ZNF136: variants seen among roughly 807,000 people sequenced by gnomAD.
ZNF136 encodes zinc finger protein 136, also known as zinc finger protein 136 (clone pHZ-20).
A neutral mutation model predicts 11.4 loss-of-function variants in ZNF136; 8 were observed. The observed-to-expected ratio is 0.70, with a 90% CI of 0.41 to 1.27. The LOEUF (loss-of-function observed/expected upper bound fraction) is 1.27. ZNF136 is among the 50% of genes most tolerant of loss of function. The pLI, the probability that ZNF136 is intolerant of heterozygous loss-of-function variation, is 0.01. For synonymous variants in ZNF136, 190 were observed against 207.1 expected (o/e 0.92, Z 0.71); for missense variants, 590 against 656.5 (o/e 0.90, Z 1.11).
chr19:12,169,091 C>T (rs562947977), intron 1 of ZNF136, among the ~76,000 whole-genome samples: 54 of 152,318 alleles, frequency 3.5e-4, no homozygotes, highest in Non-Finnish European at 5.0e-4. Flanking sequence ...CTCCACTCCT[C>T]CCTGCTGTAC....
chr19:12,167,040 T>TGAG (rs111925290), intron 1 of ZNF136, among the ~76,000 whole-genome samples: 24 of 152,286 alleles, frequency 1.6e-4, no homozygotes, highest in African/African-American at 5.8e-4. Context: ...AGAAAGAAGA[T>TGAG]GAGGAGGAAG....
intron 1 of ZNF136, among the ~76,000 whole-genome samples, chr19:12,178,443 CTAT>C (rs1477131533): frequency 6.6e-6 from 1 of 152,170 alleles, no homozygotes; most frequent in African/African-American, 2.4e-5. Context: ...TGGGTCTTTC[CTAT>C]TATTCACAGC....
At position 12,163,187 on chromosome 19, in the gene ZNF136, C is replaced by A; in HGVS notation, c.-17C>A. 7.1e-7 allele frequency: 1 copy of A among 1,401,464 alleles called. No individual in the cohort carries two copies. Among genetic ancestry groups the A allele is most frequent in the Non-Finnish European group, 9.3e-7 (1 of 1,070,986 alleles). The allele number at this position is 1,401,464 out of a possible 1,614,324, so 86.8% of individuals were successfully genotyped here. A position where few individuals can be genotyped will look rare whatever the true frequency, so the allele number is the denominator to read the frequency against. ...GGGATCCGGAGGGAGGAAGCTGGGA[C>A]ACCCGGGAGTCAGGAAATGGTGAGT... is the stretch of plus-strand genomic sequence containing the variant. On this transcript the variant is annotated 5_prime_UTR_variant, in exon 1 of 4. Transcript: ENST00000343979.
chr19:12,182,699 C>A (rs932900818), intron 1 of ZNF136, among the ~76,000 whole-genome samples: 2 of 152,144 alleles, frequency 1.3e-5, no homozygotes, highest in African/African-American at 4.8e-5. Context: ...CAAGGAAAAC[C>A]CACCTCTGCC....
chr19:12,165,081 G>A (rs1344253048), intron 1 of ZNF136, among the ~76,000 whole-genome samples: 1 of 152,084 alleles, frequency 6.6e-6, no homozygotes, highest in Non-Finnish European at 1.5e-5. Context: ...TTTTTAGGTC[G>A]ACAAGGGAAA....
intron 1 of ZNF136, among the ~76,000 whole-genome samples, chr19:12,180,909 C>T (rs928224413): frequency 3.3e-5 from 5 of 152,220 alleles, no homozygotes; most frequent in African/African-American, 1.2e-4. Context: ...CCTGTTGAAA[C>T]ATCTTAAGTG....
rs747085446 is a variant in ZNF136, at chr19:12,186,953, G to A, written c.575G>A (p.Gly192Glu). The change falls in exon 4 of 4, where the codon GGA (glycine) becomes GAA (glutamate). Residue 192 changes from glycine to glutamate, a missense_variant. By Grantham distance (98) the Gly-to-Glu change is moderately conservative (BLOSUM62 -2). Coordinates refer to ENST00000343979, the MANE Select transcript of ZNF136 (RefSeq NM_003437.5). The stretch of plus-strand genomic sequence containing the variant: ...AGAAGACACATCATCACACACAGTG[G>A]ATATACACCATATAAATGTAAGGTG... ...RIRRHIITHS[G>E]YTPYKCKVCG... 2 of 1,614,070 alleles carry A rather than the reference G, an allele frequency of 1.2e-6. No individual in the cohort carries two copies. The highest frequency in any genetic ancestry group is 1.7e-6 in the Non-Finnish European group (2 of 1,180,014).
At position 12,189,087 on chromosome 19, in the gene ZNF136, TAAATA is replaced by T. The variant is rs1431608854; in HGVS notation, c.*1092_*1096del. 3.3e-5 allele frequency: 5 copies of T among 152,344 alleles called. No homozygotes were observed. Among genetic ancestry groups the T allele is most frequent in the African/African-American group, 9.6e-5 (4 of 41,586 alleles). The allele number at this position is 152,344 out of a possible 1,614,324, so 9.4% of individuals were successfully genotyped here. ...CATAGGTAGTGTTGTTTTAGGTCAG[TAAATA>T]AAATATTTGTCTTTCCATTTTGAAA... On this transcript the variant is annotated 3_prime_UTR_variant, in exon 4 of 4. Transcript: ENST00000343979.
At position 12,186,909 on chromosome 19, in the gene ZNF136, C is replaced by A. The variant is rs1269086352; in HGVS notation, c.531C>A (p.Phe177Leu). The A allele has an allele frequency of 1.9e-6, 3 of 1,613,752 alleles. No homozygotes were observed. The highest frequency in any genetic ancestry group is 1.7e-6 in the Non-Finnish European group (2 of 1,179,938). The part of the protein sequence containing the change: ...LYDCKECGKT[F>L]FSLKRIRRHI... ...ATTGTAAGGAATGTGGAAAAACCTT[C>A]TTTTCTCTCAAAAGAATTAGAAGAC... is the stretch of plus-strand genomic sequence containing the variant. Residue 177 changes from phenylalanine to leucine, a missense_variant, in exon 4 of 4, where the codon TTC (phenylalanine) becomes TTA (leucine). By Grantham distance (22) the Phe-to-Leu change is conservative. Transcript: ENST00000343979.
chr19:12,188,076 G>C lies in ZNF136; in HGVS notation c.*75G>C. The C allele has an allele frequency of 1.5e-6, 2 of 1,319,280 alleles. No homozygotes were observed. The highest frequency in any genetic ancestry group is 2.0e-6 in the Non-Finnish European group (2 of 998,570). 81.7% of individuals were successfully genotyped at this position (1,319,280 alleles called of 1,614,324 possible). ...CTATGAATGTAAGTAACGTGGGAAA[G>C]CATGAAATTCTGTCAGTGCCTTTTT... On this transcript the variant is annotated 3_prime_UTR_variant, in exon 4 of 4. Transcript: ENST00000343979.
At chr19:12,183,593 A>ATCTG (rs1915003658) in intron 1 of ZNF136, among the ~76,000 whole-genome samples, 1 of 149,316 alleles carries the variant, frequency 6.7e-6, no homozygotes, top group Non-Finnish European at 1.5e-5. Context: ...CTATCTATCT[A>ATCTG]TCTATCTATC....
At chr19:12,166,248 T>C (rs188753987) in intron 1 of ZNF136, among the ~76,000 whole-genome samples, 1 of 151,612 alleles carries the variant, frequency 6.6e-6, no homozygotes, top group Admixed American at 6.6e-5. Flanking sequence ...AGAAAAAAAA[T>C]TTAAACTGCT....
chr19:12,172,883 G>C (rs887551405), intron 1 of ZNF136, among the ~76,000 whole-genome samples: 2 of 152,020 alleles, frequency 1.3e-5, no homozygotes, highest in Admixed American at 6.6e-5. Flanking sequence ...GTGATGGTGC[G>C]TGCCTGTAAT....
At chr19:12,169,784 G>T (rs1914594985) in intron 1 of ZNF136, among the ~76,000 whole-genome samples, 1 of 149,166 alleles carries the variant, frequency 6.7e-6, no homozygotes, top group South Asian at 2.1e-4. Flanking sequence ...TAATTTTTTT[G>T]TATTTTTATT....
rs1782690348 is a variant in ZNF136, at chr19:12,188,084, TTC to T, written c.*85_*86del. On this transcript the variant is annotated 3_prime_UTR_variant, in exon 4 of 4. Coordinates refer to ENST00000343979, the MANE Select transcript of ZNF136 (RefSeq NM_003437.5). ...GTAAGTAACGTGGGAAAGCATGAAA[TTC>T]TGTCAGTGCCTTTTTTAATACATGA... 1 of 1,226,126 alleles carries T rather than the reference TTC, an allele frequency of 8.2e-7. No individual in the cohort carries two copies. The highest frequency in any genetic ancestry group is 2.2e-5 in the South Asian group (1 of 45,306). The allele number at this position is 1,226,126 out of a possible 1,614,324, so 76.0% of individuals were successfully genotyped here.
intron 1 of ZNF136, among the ~76,000 whole-genome samples, chr19:12,182,167 C>A (rs1022907862): frequency 6.6e-6 from 1 of 152,228 alleles, no homozygotes; most frequent in African/African-American, 2.4e-5. Flanking sequence ...ATAAAGATTT[C>A]TTTTATGTTT....
intron 1 of ZNF136, among the ~76,000 whole-genome samples, chr19:12,171,966 TTC>T (rs138770038): frequency 2.7e-5 from 4 of 145,848 alleles, no homozygotes; most frequent in African/African-American, 5.3e-5. Flanking sequence ...ATTTTTTATT[TTC>T]TCTCTCTCTC....
intron 1 of ZNF136, among the ~76,000 whole-genome samples, chr19:12,165,158 A>G (rs1052848598): frequency 6.6e-6 from 1 of 152,182 alleles, no homozygotes; most frequent in Non-Finnish European, 1.5e-5. Context: ...TATCTCAGCG[A>G]GGTGGTGGAA....
chr19:12,180,102 G>A (rs959271616), intron 1 of ZNF136, among the ~76,000 whole-genome samples: 14 of 151,770 alleles, frequency 9.2e-5, no homozygotes, highest in African/African-American at 3.1e-4. Flanking sequence ...TCCTGACCTC[G>A]TGATCTGCCT....
Sources: gnomAD v4.1 joint callset for allele counts (sites outside exome capture counted in the v4.1 genomes callset) on GRCh38, gnomAD v4.1.1 for gene constraint, MANE v1.5 for transcripts, NCBI Gene and HGNC (gene_info 2026-07-23, HGNC 2026-07-21) for gene names.